The following ANP32B variants were observed in gnomAD, a reference collection of about 807,000 sequenced individuals.
The protein encoded by ANP32B is acidic leucine-rich nuclear phosphoprotein 32 family member B.
In ANP32B, 6 loss-of-function variants were observed where a neutral mutation model predicts 32.2. That is an observed-to-expected ratio of 0.19 (90% confidence interval 0.10 to 0.37). The LOEUF (loss-of-function observed/expected upper bound fraction) is 0.37, where lower values mean the gene tolerates loss of function less well. Ranked by LOEUF, ANP32B falls within the 10% of genes least tolerant of loss-of-function variation. ANP32B has a pLI of 1.00. For missense variants in ANP32B, 204 were observed against 289.2 expected (o/e 0.71, Z 2.14); for synonymous variants, 98 against 105.8 (o/e 0.93, Z 0.45).
chr9:98,006,020 A>G lies in ANP32B; in HGVS notation c.517+867A>G, dbSNP rs1411982221. Reference sequence around the variant, plus strand: ...AGATTCTCATAGGAACGAGAATCCTATTGTGAACTGCACATGTGAGGGGGC... The same window carrying G: ...AGATTCTCATAGGAACGAGAATCCTGTTGTGAACTGCACATGTGAGGGGGC... On this transcript the variant is annotated intron_variant, in intron 4 of 6. Transcript: ENST00000339399. 2.0e-5 allele frequency among the ~76,000 whole-genome samples: 3 copies of G among 152,102 alleles called. No homozygotes were observed. The East Asian group carries it at 5.8e-4, about 29-fold the overall frequency.
intron 1 of ANP32B, among the ~76,000 whole-genome samples, chr9:97,992,591 T>C (rs1827846447): frequency 6.6e-6 from 1 of 152,224 alleles, no homozygotes; most frequent in African/African-American, 2.4e-5. Context: ...ATAACGTTTT[T>C]GGATTATTTT....
chr9:97,986,537 A>C (rs935899241), intron 1 of ANP32B: 2 of 152,268 alleles, frequency 1.3e-5, no homozygotes, highest in Admixed American at 6.5e-5. Flanking sequence ...TTTGAAGGAA[A>C]TTCTAAAAGA....
chr9:98,004,099 TAATAACAAATGAAGA>T (rs1828038221), intron 3 of ANP32B, among the ~76,000 whole-genome samples: 1 of 152,220 alleles, frequency 6.6e-6, no homozygotes. Context: ...TACACTGATA[TAATAACAAATGAAGA>T]TCTGAGTAAA....
chr9:98,009,826 A>G (rs1301049897), intron 4 of ANP32B, among the ~76,000 whole-genome samples: 2 of 152,232 alleles, frequency 1.3e-5, no homozygotes, highest in African/African-American at 4.8e-5. Flanking sequence ...AGAGGAGGAA[A>G]AGCATCAAGG....
chr9:97,995,804 T>C (rs182848287), intron 2 of ANP32B, among the ~76,000 whole-genome samples: 464 of 152,060 alleles, frequency 3.1e-3, no homozygotes, highest in Non-Finnish European at 5.0e-3. Context: ...GCACCTGTAG[T>C]CCCAGCTAGT....
At chr9:98,011,663 G>C (rs1051158682) in intron 5 of ANP32B, among the ~76,000 whole-genome samples, 3 of 152,142 alleles carry the variant, frequency 2.0e-5, no homozygotes, top group Non-Finnish European at 4.4e-5. Flanking sequence ...TATTCAGTGT[G>C]GTGAGAAAAC....
At chr9:97,988,458 C>T (rs58253425) in intron 1 of ANP32B, among the ~76,000 whole-genome samples, 8,800 of 152,212 alleles carry the variant, frequency 0.058, 797 homozygotes, top group African/African-American at 0.2. Context: ...GGCACAGTGG[C>T]TCGTGCCTAT....
Position 97,983,446 on chromosome 9 carries a change from C to G in ANP32B, c.-110C>G. On this transcript the variant is annotated 5_prime_UTR_variant, in exon 1 of 7. Transcript: ENST00000339399. The stretch of plus-strand genomic sequence containing the variant: ...CCACCCAGGACCGCGCCGCCGGCCT[C>G]CGCCGCTAGCAAACCCTTCCGACGG... 2 of 1,049,128 alleles carry G rather than the reference C, an allele frequency of 1.9e-6. No individual in the cohort carries two copies. The highest frequency in any genetic ancestry group is 2.8e-6 in the Non-Finnish European group (2 of 712,300). The allele number at this position is 1,049,128 out of a possible 1,614,324, so 65.0% of individuals were successfully genotyped here.
At chr9:97,999,029 G>A (rs570708315) in intron 3 of ANP32B, among the ~76,000 whole-genome samples, 1 of 27,248 alleles carries the variant, frequency 3.7e-5, no homozygotes, top group South Asian at 1.1e-3. Context: ...GGATGGTCTC[G>A]ATCTCCTGAC....
chr9:97,988,972 C>T (rs905194799), intron 1 of ANP32B, among the ~76,000 whole-genome samples: 1 of 152,146 alleles, frequency 6.6e-6, no homozygotes, highest in African/African-American at 2.4e-5. Context: ...GCAGAGACAG[C>T]TGGTATAATT....
chr9:98,001,222 C>T (rs1439959366), intron 3 of ANP32B, among the ~76,000 whole-genome samples: 6 of 147,736 alleles, frequency 4.1e-5, no homozygotes, highest in Admixed American at 2.7e-4. Context: ...GACGGAGTCT[C>T]GCTCTGTCAC....
chr9:97,989,026 A>G (rs1587871087), intron 1 of ANP32B, among the ~76,000 whole-genome samples: 2 of 152,244 alleles, frequency 1.3e-5, no homozygotes, highest in African/African-American at 4.8e-5. Flanking sequence ...ATCTTTTTTC[A>G]TAATAGCTAG....
rs185294962 is a variant in ANP32B at position 98,009,661 on chromosome 9, A to G, written c.518-1610A>G. On this transcript the variant is annotated intron_variant, in intron 4 of 6. Coordinates refer to ENST00000339399, the MANE Select transcript of ANP32B (RefSeq NM_006401.3). ...AATGGTCACTGGCCTGCTCTTCACCACCTGCTGTGCGGCCCAGGCCACAGA... is the reference window on the plus strand; with the variant it reads ...AATGGTCACTGGCCTGCTCTTCACCGCCTGCTGTGCGGCCCAGGCCACAGA... 4.0e-3 allele frequency among the ~76,000 whole-genome samples: 608 copies of G among 152,378 alleles called. 3 individuals are homozygous for G. The highest frequency in any genetic ancestry group is 0.013 in the African/African-American group (558 of 41,594).
At chr9:98,013,238 G>T (rs1828218057) in intron 6 of ANP32B, among the ~76,000 whole-genome samples, 1 of 152,152 alleles carries the variant, frequency 6.6e-6, no homozygotes, top group Non-Finnish European at 1.5e-5. Flanking sequence ...GGCCAGCCTG[G>T]TCTTGAATTC....
At position 97,991,756 on chromosome 9, in the gene ANP32B, C is replaced by G. The variant is rs187783875; in HGVS notation, c.55-2875C>G. 2.0e-5 allele frequency among the ~76,000 whole-genome samples: 3 copies of G among 152,264 alleles called. No homozygotes were observed. In the East Asian group the frequency reaches 5.8e-4, roughly 29 times the overall value. ...GATTCTGAAAACACAGTCCTAAATA[C>G]AGAAGACATTTTAAGTAAAGATATG... On this transcript the variant is annotated intron_variant, in intron 1 of 6. Transcript: ENST00000339399.
At chr9:98,009,976 T>A (rs756157778) in intron 4 of ANP32B, among the ~76,000 whole-genome samples, 4 of 152,238 alleles carry the variant, frequency 2.6e-5, no homozygotes, top group Non-Finnish European at 5.9e-5. Context: ...TATTTCCAAA[T>A]GTTATGTCCC....
chr9:98,008,964 A>G (rs551736452), intron 4 of ANP32B, among the ~76,000 whole-genome samples: 4 of 152,322 alleles, frequency 2.6e-5, no homozygotes, highest in Admixed American at 1.3e-4. Context: ...CCGCTGTCCT[A>G]CTGCACTACA....
chr9:98,008,274 G>A (rs944540284), intron 4 of ANP32B, among the ~76,000 whole-genome samples: 8 of 152,188 alleles, frequency 5.3e-5, no homozygotes, highest in African/African-American at 1.9e-4. Flanking sequence ...GTTTCAAACA[G>A]TAGGAGTGAT....
intron 1 of ANP32B, 102 bp downstream of exon 1, chr9:97,983,711 G>C: frequency 2.1e-6 from 2 of 954,058 alleles, no homozygotes; most frequent in Non-Finnish European, 3.0e-6. Context: ...CCGGCGCGGG[G>C]AAGAGCGCAG....
Sources: allele counts gnomAD v4.1 joint callset (sites outside exome capture counted in the v4.1 genomes callset), GRCh38; gene constraint gnomAD v4.1.1; transcripts MANE v1.5; gene names NCBI Gene and HGNC (gene_info 2026-07-23, HGNC 2026-07-21).